Variants in DDX10 observed in about 807,000 individuals in gnomAD.
DDX10 encodes the protein probable ATP-dependent RNA helicase DDX10.
Under a neutral mutation model 104.3 loss-of-function variants are expected in DDX10, and 74 were observed. The ratio of observed to expected loss-of-function variants is 0.71; its 90% confidence interval spans 0.59 to 0.86. DDX10 has a LOEUF of 0.86. Ranked by LOEUF, DDX10 falls within the 40% of genes least tolerant of loss-of-function variation. The pLI is 0.00. For synonymous variants in DDX10, 351 were observed against 353.4 expected, an observed-to-expected ratio of 0.99 and a Z score of 0.08; for missense variants, 952 against 1,040.0, an observed-to-expected ratio of 0.92 and a Z score of 1.16.
At chr11:108,924,023 T>G (rs1057303349) in intron 17 of DDX10, among the ~76,000 whole-genome samples, 5 of 152,134 alleles carry the variant, frequency 3.3e-5, no homozygotes, top group African/African-American at 1.2e-4. Flanking sequence ...GATTAATTTT[T>G]GTATATCTAG....
intron 9 of DDX10, among the ~76,000 whole-genome samples, chr11:108,698,608 G>T (rs937199388): frequency 6.6e-5 from 10 of 152,144 alleles, no homozygotes; most frequent in Admixed American, 1.3e-4. Flanking sequence ...GTACCCTTGG[G>T]AGTATTTCTT....
At chr11:108,833,294 A>T (rs1000736763) in intron 13 of DDX10, among the ~76,000 whole-genome samples, 2 of 152,160 alleles carry the variant, frequency 1.3e-5, no homozygotes, top group African/African-American at 4.8e-5. Context: ...TTTTTCTAAG[A>T]TTATATATAT....
At chr11:108,686,653 A>G (rs567730642) in intron 6 of DDX10, among the ~76,000 whole-genome samples, 29 of 152,344 alleles carry the variant, frequency 1.9e-4, no homozygotes, top group African/African-American at 6.5e-4. Context: ...ACTGAAGGAC[A>G]TCTTGATTGC....
intron 13 of DDX10, among the ~76,000 whole-genome samples, chr11:108,738,950 A>G (rs944726701): frequency 1.3e-5 from 2 of 152,112 alleles, no homozygotes; most frequent in Non-Finnish European, 2.9e-5. Context: ...TTTGTGTCCT[A>G]GGTGTAAAAG....
At chr11:108,786,889 T>C (rs993169328) in intron 13 of DDX10, among the ~76,000 whole-genome samples, 15 of 152,194 alleles carry the variant, frequency 9.9e-5, no homozygotes, top group African/African-American at 3.4e-4. Flanking sequence ...TGTCTTTATG[T>C]TGTTGGCTGT....
intron 13 of DDX10, among the ~76,000 whole-genome samples, chr11:108,753,379 A>G (rs2094340861): frequency 1.3e-5 from 2 of 152,146 alleles, no homozygotes; most frequent in African/African-American, 4.8e-5. Flanking sequence ...AGACAAATCT[A>G]CAGAATGCAG....
At position 108,715,864 on chromosome 11, in the gene DDX10, C is replaced by A; in HGVS notation, c.1323-15C>A. The A allele has an allele frequency of 7.5e-7, 1 of 1,339,124 alleles. No homozygotes were observed. Among genetic ancestry groups the A allele is most frequent in the Non-Finnish European group, 1.1e-6 (1 of 944,878 alleles). 83.0% of individuals were successfully genotyped at this position (1,339,124 alleles called of 1,614,324 possible). A position where few individuals can be genotyped will look rare whatever the true frequency, so the allele number is the denominator to read the frequency against. The stretch of plus-strand genomic sequence containing the variant: ...TGAGATATCTTATTTTAACCTTTAT[C>A]TTTTTGTTACAAAGAATCAATCCAG... On this transcript the variant is annotated splice_polypyrimidine_tract_variant and intron_variant, in intron 10 of 17. Coordinates refer to ENST00000322536, the MANE Select transcript of DDX10 (RefSeq NM_004398.4).
chr11:108,784,293 ACT>A (rs1157258699), intron 13 of DDX10, among the ~76,000 whole-genome samples: 2 of 151,934 alleles, frequency 1.3e-5, no homozygotes, highest in African/African-American at 4.8e-5. Context: ...TTCTTGGAAG[ACT>A]CTGTAACATC....
chr11:108,895,494 G>A (rs903677231), intron 16 of DDX10, among the ~76,000 whole-genome samples: 20 of 151,966 alleles, frequency 1.3e-4, no homozygotes, highest in African/African-American at 4.6e-4. Flanking sequence ...TTAGTTTTCA[G>A]ACCATAAAGG....
Position 108,675,586 on chromosome 11 carries a change from A to G in DDX10, c.248-10A>G, listed in dbSNP as rs773664076. ...CTTCTAAAGTATAATTCTTCCCTCC[A>G]TGTTGCCAGGTTTGCAAGAAGCTCA... is the stretch of plus-strand genomic sequence containing the variant. On this transcript the variant is annotated splice_polypyrimidine_tract_variant and intron_variant, in intron 2 of 17. Transcript: ENST00000322536. 3.7e-6 allele frequency: 6 copies of G among 1,612,998 alleles called. No individual in the cohort carries two copies. Among genetic ancestry groups the G allele is most frequent in the Non-Finnish European group, 5.1e-6 (6 of 1,179,566 alleles).
chr11:108,824,634 T>C (rs1862371578), intron 13 of DDX10, among the ~76,000 whole-genome samples: 1 of 152,180 alleles, frequency 6.6e-6, no homozygotes. Flanking sequence ...CAGGCACCGT[T>C]TCTCTAAATT....
chr11:108,749,339 G>A (rs566635995), intron 13 of DDX10, among the ~76,000 whole-genome samples: 10 of 152,106 alleles, frequency 6.6e-5, no homozygotes, highest in Non-Finnish European at 1.5e-4. Flanking sequence ...TGTTTATACT[G>A]TTATTGATGG....
At chr11:108,735,700 C>T (rs1034387497) in intron 13 of DDX10, among the ~76,000 whole-genome samples, 1 of 124,196 alleles carries the variant, frequency 8.1e-6, no homozygotes, top group Non-Finnish European at 1.8e-5. Flanking sequence ...TAAATTATTT[C>T]AAGAACATTA....
At chr11:108,846,961 T>C (rs544295351) in intron 15 of DDX10, among the ~76,000 whole-genome samples, 1 of 152,352 alleles carries the variant, frequency 6.6e-6, no homozygotes, top group East Asian at 1.9e-4. Context: ...CTTTGGATCA[T>C]TTAGCAGCTT....
At chr11:108,711,187 G>A (rs979686972) in intron 10 of DDX10, among the ~76,000 whole-genome samples, 8 of 152,146 alleles carry the variant, frequency 5.3e-5, no homozygotes, top group African/African-American at 1.9e-4. Context: ...TACTGCTTTT[G>A]TTGCATTCCA....
At chr11:108,775,111 G>C (rs2094368209) in intron 13 of DDX10, among the ~76,000 whole-genome samples, 1 of 152,156 alleles carries the variant, frequency 6.6e-6, no homozygotes, top group Non-Finnish European at 1.5e-5. Flanking sequence ...TTAAATGGTT[G>C]GTATTGCCAA....
In DDX10 at chr11:108,823,166, A is replaced by C. The variant is rs1565289603; in HGVS notation, c.1966-15280A>C. On this transcript the variant is annotated intron_variant, in intron 13 of 17. Coordinates refer to ENST00000322536, the MANE Select transcript of DDX10 (RefSeq NM_004398.4). ...TGGCTTTGCACACCACAGTTTTACA[A>C]ATGGTATGTATAAGAATATCCAATT... is the stretch of plus-strand genomic sequence containing the variant. Among the ~76,000 whole-genome samples, 3 of 152,310 alleles carry C rather than the reference A, an allele frequency of 2.0e-5. No individual in the cohort carries two copies. In the South Asian group the frequency reaches 6.2e-4, roughly 32 times the overall value.
chr11:108,717,661 T>C (rs1439077611), intron 11 of DDX10, among the ~76,000 whole-genome samples: 1 of 152,216 alleles, frequency 6.6e-6, no homozygotes, highest in African/African-American at 2.4e-5. Flanking sequence ...TGCTAACTTA[T>C]TTTATATTTT....
rs869132450 is a variant in DDX10, at chr11:108,911,556, CTTTTTTTTTTTTTTTTT to C, written c.2305-6302_2305-6286del. On this transcript the variant is annotated intron_variant, in intron 16 of 17. Coordinates refer to ENST00000322536, the MANE Select transcript of DDX10 (RefSeq NM_004398.4). ...GTTCCCAAAAGCTTTGCCTCCTCTT[CTTTTTTTTTTTTTTTTT>C]TTTTTTTTTTTTTTGAGACAGGACC... is the stretch of plus-strand genomic sequence containing the variant. Among the ~76,000 whole-genome samples the C allele has an allele frequency of 5.8e-3, 373 of 63,774 alleles. 3 individuals carry two copies. Among genetic ancestry groups the C allele is most frequent in the Admixed American group, 0.011 (50 of 4,758 alleles). The allele number at this position is 63,774 out of a possible 152,430, so 41.8% of individuals were successfully genotyped here.
Sources: allele counts gnomAD v4.1 joint callset (sites outside exome capture counted in the v4.1 genomes callset), GRCh38; gene constraint gnomAD v4.1.1; transcripts MANE v1.5; gene names NCBI Gene and HGNC (gene_info 2026-07-23, HGNC 2026-07-21).